The following LRRC37B variants were observed in gnomAD, a reference collection of about 807,000 sequenced individuals.
LRRC37B encodes the protein leucine rich repeat containing 37B, also known as leucine-rich repeat-containing protein 37B.
LRRC37B carries 28 observed loss-of-function variants against 98.3 expected under a neutral mutation model. The observed-to-expected ratio is 0.28, with a 90% CI of 0.21 to 0.39. The LOEUF (loss-of-function observed/expected upper bound fraction) is 0.39. Ranked by LOEUF, LRRC37B falls within the 10% of genes least tolerant of loss-of-function variation. LRRC37B has a pLI of 1.00. For synonymous variants in LRRC37B, 364 were observed against 442.7 expected (o/e 0.82, Z 2.23); for missense variants, 938 against 1,182.7 (o/e 0.79, Z 3.03).
rs144186764 is a variant in LRRC37B, at chr17:32,013,801, C to T, written c.-190-4171C>T. Among the ~76,000 whole-genome samples the T allele has an allele frequency of 1.1e-3, 163 of 151,798 alleles. 1 individual carries two copies. Among genetic ancestry groups the T allele is most frequent in the African/African-American group, 3.7e-3 (153 of 41,352 alleles). On this transcript the variant is annotated intron_variant, in intron 1 of 14. Transcript: ENST00000543378. ...TATCTATACTTTCAATGTATATCTA[C>T]ATGCATACATTGTATATGTATGTAG...
chr17:32,022,058 A>C (rs370731623), exon 1 of LRRC37B: 1 of 1,613,896 alleles, frequency 6.2e-7, no homozygotes, highest in Admixed American at 1.7e-5. Context: ...AGGAGGCCCC[A>C]GCTCTGCCTC....
intron 1 of LRRC37B, among the ~76,000 whole-genome samples, chr17:32,015,644 C>T (rs1326644683): frequency 1.3e-5 from 2 of 152,144 alleles, no homozygotes; most frequent in Admixed American, 6.5e-5. Flanking sequence ...TGGGTCAACT[C>T]GGAAAAATCT....
intron 8 of LRRC37B, 59 bp from the exon 12 acceptor site, chr17:32,047,702 G>A: frequency 6.2e-7 from 1 of 1,612,066 alleles, no homozygotes; most frequent in Non-Finnish European, 8.5e-7. Context: ...GCTATGGACT[G>A]AGTATGAAAG....
At chr17:32,044,188 C>T (rs1237203364) in intron 7 of LRRC37B, among the ~76,000 whole-genome samples, 1 of 151,378 alleles carries the variant, frequency 6.6e-6, no homozygotes, top group Non-Finnish European at 1.5e-5. Context: ...CTGAAACTGC[C>T]CCCAAGAAGC....
intron 2 of LRRC37B, among the ~76,000 whole-genome samples, chr17:32,025,030 G>GTGTTTT (rs1555535201): frequency 5.7e-5 from 4 of 69,918 alleles, no homozygotes; most frequent in South Asian, 6.5e-4. Flanking sequence ...TTTTTTCCTC[G>GTGTTTT]TTTTTTTTTT....
At position 32,040,240 on chromosome 17, in the gene LRRC37B, G is replaced by A. The variant is rs1911384385; in HGVS notation, c.2204+4601G>A. The A allele has an allele frequency of 3.2e-5, 7 of 215,772 alleles. No homozygotes were observed. The South Asian group carries it at 5.4e-4, about 17-fold the overall frequency. The allele number at this position is 215,772 out of a possible 1,614,324, so 13.4% of individuals were successfully genotyped here. Reference sequence around the variant, plus strand: ...AGGTCACTTACAGTCTCAAAGTTTTGTCAGTATACTTTAAAACAATCCTGC... The same window carrying A: ...AGGTCACTTACAGTCTCAAAGTTTTATCAGTATACTTTAAAACAATCCTGC... On this transcript the variant is annotated intron_variant, in intron 7 of 11. Coordinates refer to ENST00000327564, the Ensembl canonical transcript of LRRC37B.
exon 1 of LRRC37B, chr17:32,021,933 G>A: frequency 6.2e-7 from 1 of 1,614,122 alleles, no homozygotes; most frequent in Non-Finnish European, 8.5e-7. Flanking sequence ...ATTCCATCTA[G>A]AGCCCAAAAG....
chr17:32,022,131 C>T, exon 1 of LRRC37B: 1 of 1,613,750 alleles, frequency 6.2e-7, no homozygotes, highest in Non-Finnish European at 8.5e-7. Context: ...AGTTCAACCT[C>T]CAGGTGAGGA....
intron 8 of LRRC37B, 48 bp from the exon 12 acceptor site, chr17:32,047,713 A>G: frequency 6.2e-7 from 1 of 1,612,624 alleles, no homozygotes; most frequent in African/African-American, 1.3e-5. Flanking sequence ...AGTATGAAAG[A>G]TGATCAAAGA....
chr17:32,048,117 A>T, intron 9 of LRRC37B: 1 of 953,710 alleles, frequency 1.0e-6, no homozygotes. Context: ...TAACAAATTT[A>T]AAAACCAAAT....
chr17:32,043,537 G>A (rs1364856992), intron 7 of LRRC37B, among the ~76,000 whole-genome samples: 2 of 152,222 alleles, frequency 1.3e-5, no homozygotes, highest in Non-Finnish European at 2.9e-5. Context: ...CTCAACCTGT[G>A]TAACAGAGCG....
intron 7 of LRRC37B, chr17:32,041,872 GC>G (rs918752431): frequency 1.1e-5 from 5 of 457,452 alleles, no homozygotes; most frequent in African/African-American, 1.0e-4. Context: ...CTCCAGGGCA[GC>G]CCCCACCTCC....
intron 7 of LRRC37B, among the ~76,000 whole-genome samples, chr17:32,038,216 T>A (rs1911308044): frequency 6.6e-6 from 1 of 152,142 alleles, no homozygotes; most frequent in South Asian, 2.1e-4. Flanking sequence ...TCCCAGCACA[T>A]TGGGAGGCTG....
upstream of LRRC37B, chr17:32,007,961 G>A (rs773179080): frequency 5.6e-6 from 3 of 533,038 alleles, no homozygotes; most frequent in South Asian, 9.9e-5. The surrounding 1 kb of genome is among the most constrained non-coding windows in gnomAD (Gnocchi z 4.1). Context: ...CGAGAGCGAG[G>A]AGGAGGAGTA....
At chr17:32,039,825 G>A (rs907537353) in intron 7 of LRRC37B, 1 of 151,412 alleles carries the variant, frequency 6.6e-6, no homozygotes, top group Non-Finnish European at 1.5e-5. Flanking sequence ...TATCTTCACC[G>A]GGCTGTCAGA....
chr17:32,029,578 C>T (rs1911057089), intron 3 of LRRC37B, among the ~76,000 whole-genome samples: 1 of 151,842 alleles, frequency 6.6e-6, no homozygotes, highest in African/African-American at 2.4e-5. Flanking sequence ...CTTTGAAGGG[C>T]CATTGTGTAG....
intron 1 of LRRC37B, among the ~76,000 whole-genome samples, chr17:32,010,919 T>C (rs1910510425): frequency 6.6e-6 from 1 of 152,202 alleles, no homozygotes; most frequent in Non-Finnish European, 1.5e-5. Context: ...TCACTTAACA[T>C]AATGTCCTCC....
upstream of LRRC37B, among the ~76,000 whole-genome samples, chr17:32,007,593 G>T (rs922110662): frequency 5.5e-5 from 8 of 146,248 alleles, no homozygotes; most frequent in African/African-American, 2.0e-4. This position sits in a 1 kb window ranked among gnomAD's most constrained non-coding sequence, Gnocchi z 4.1. Flanking sequence ...TTCTCCCGCC[G>T]CCTGGGCTCC....
chr17:32,026,899 C>G (rs577986787), intron 2 of LRRC37B, among the ~76,000 whole-genome samples: 61 of 152,274 alleles, frequency 4.0e-4, no homozygotes, highest in African/African-American at 1.4e-3. Context: ...AATTATTAAA[C>G]TGAATATTTG....
Sources: allele counts gnomAD v4.1 joint callset (sites outside exome capture counted in the v4.1 genomes callset), GRCh38; gene constraint gnomAD v4.1.1; non-coding constraint Gnocchi (gnomAD v3.1); transcripts MANE v1.5; gene names NCBI Gene and HGNC (gene_info 2026-07-23, HGNC 2026-07-21).